Variants in CDH11 observed in about 807,000 individuals in gnomAD.
CDH11 encodes the protein cadherin-11.
CDH11 carries 11 observed loss-of-function variants against 67.8 expected under a neutral mutation model. That is an observed-to-expected ratio of 0.16 (90% CI 0.10 to 0.27). The LOEUF is 0.27. CDH11 is among the 10% of genes least tolerant of loss of function. The pLI is 1.00. For synonymous variants in CDH11, 419 were observed against 400.0 expected (o/e 1.05, Z -0.57); for missense variants, 847 against 1,031.2 (o/e 0.82, Z 2.45).
intron 1 of CDH11, among the ~76,000 whole-genome samples, chr16:65,062,519 G>A (rs933278968): frequency 1.3e-5 from 2 of 152,116 alleles, no homozygotes; most frequent in Admixed American, 6.5e-5. Context: ...GTTCCCTCTG[G>A]GGCCATTATA....
At chr16:64,966,661 G>T (rs1045410625) in intron 11 of CDH11, among the ~76,000 whole-genome samples, 8 of 151,214 alleles carry the variant, frequency 5.3e-5, no homozygotes, top group Non-Finnish European at 1.2e-4. Context: ...GGGGGAAAAA[G>T]ATATATAAGA....
intron 1 of CDH11, among the ~76,000 whole-genome samples, chr16:65,070,984 C>T (rs972757705): frequency 1.3e-5 from 2 of 152,080 alleles, no homozygotes; most frequent in African/African-American, 4.8e-5. Context: ...TGAGTCATGC[C>T]CAGCAATTCT....
At chr16:65,012,029 C>T (rs1427336015) in intron 2 of CDH11, among the ~76,000 whole-genome samples, 2 of 152,258 alleles carry the variant, frequency 1.3e-5, no homozygotes, top group East Asian at 3.9e-4. Context: ...GATACACAGG[C>T]ATCAATATAC....
At chr16:64,980,684 G>T (rs1218080414) in intron 8 of CDH11, among the ~76,000 whole-genome samples, 1 of 152,090 alleles carries the variant, frequency 6.6e-6, no homozygotes, top group Non-Finnish European at 1.5e-5. Context: ...TTTGAAGAGG[G>T]AGACAACAGG....
At chr16:65,092,471 T>A (rs141162229) in intron 1 of CDH11, among the ~76,000 whole-genome samples, 2 of 152,202 alleles carry the variant, frequency 1.3e-5, no homozygotes, top group African/African-American at 4.8e-5. Context: ...ACCTCTATTC[T>A]TGGCTGTTAG....
At chr16:65,090,420 AAAT>A (rs2074774383) in intron 1 of CDH11, among the ~76,000 whole-genome samples, 1 of 152,122 alleles carries the variant, frequency 6.6e-6, no homozygotes, top group Non-Finnish European at 1.5e-5. Context: ...AACAGCAAGA[AAAT>A]AACAAGTCTT....
At chr16:65,082,675 T>C (rs1246769665) in intron 1 of CDH11, among the ~76,000 whole-genome samples, 3 of 152,236 alleles carry the variant, frequency 2.0e-5, no homozygotes, top group East Asian at 3.8e-4. Flanking sequence ...ATTCAAGGTG[T>C]AATACCCAAT....
chr16:64,982,871 T>C (rs2072389581), intron 7 of CDH11: 3 of 152,502 alleles, frequency 2.0e-5, no homozygotes, highest in Non-Finnish European at 2.9e-5. Context: ...GGTAATTTGA[T>C]AGGTGAGGTT....
chr16:65,104,605 C>T (rs2075040096), intron 1 of CDH11, among the ~76,000 whole-genome samples: 1 of 152,096 alleles, frequency 6.6e-6, no homozygotes, highest in Non-Finnish European at 1.5e-5. Flanking sequence ...AGACAGGGGG[C>T]AGTGGAATCT....
At chr16:65,016,736 T>A (rs1378422540) in intron 2 of CDH11, among the ~76,000 whole-genome samples, 1 of 152,182 alleles carries the variant, frequency 6.6e-6, no homozygotes, top group Non-Finnish European at 1.5e-5. Context: ...GACAGTAAAG[T>A]GAAAGTAAGC....
rs148809366 is a variant in CDH11 at position 64,996,226 on chromosome 16, A to T, written c.523+2336T>A. On this transcript the variant is annotated intron_variant, in intron 4 of 12. Transcript: ENST00000268603. ...AATTCAAGGCTGGGCACGGTGGCTT[A>T]TGCCTGTAATCCTAGCACTTTGGGA... Among the ~76,000 whole-genome samples the T allele has an allele frequency of 9.4e-4, 143 of 152,330 alleles. 1 individual carries two copies. In the East Asian group the frequency reaches 0.027, roughly 29 times the overall value.
chr16:65,122,087 A>T, upstream of CDH11: 7 of 355,086 alleles, frequency 2.0e-5, no homozygotes, highest in East Asian at 9.8e-5. Context: ...CGCTAGTGGC[A>T]GGAATGAGAA....
At chr16:64,950,566 T>G (rs2071329397) in intron 12 of CDH11, among the ~76,000 whole-genome samples, 1 of 152,054 alleles carries the variant, frequency 6.6e-6, no homozygotes, top group Non-Finnish European at 1.5e-5. Context: ...CCTGCAATAT[T>G]CCATCAAATG....
In CDH11 at chr16:65,004,929, G is replaced by T. The variant is rs775413095; in HGVS notation, c.-60C>A. ...TGTCACCCCTTCCACCAACTGTACGGTGGTCTTGCTGAGGGTGGCCTCCCG... is the reference window on the plus strand; with the variant it reads ...TGTCACCCCTTCCACCAACTGTACGTTGGTCTTGCTGAGGGTGGCCTCCCG... On this transcript the variant is annotated 5_prime_UTR_variant, in exon 3 of 13. Coordinates refer to ENST00000268603, the MANE Select transcript of CDH11 (RefSeq NM_001797.4). The T allele has an allele frequency of 6.9e-7, 1 of 1,453,894 alleles. No homozygotes were observed. The highest frequency in any genetic ancestry group is 9.1e-7 in the Non-Finnish European group (1 of 1,098,244). The allele number at this position is 1,453,894 out of a possible 1,614,324, so 90.1% of individuals were successfully genotyped here.
At chr16:64,989,497 G>T (rs1300276443) in intron 6 of CDH11, among the ~76,000 whole-genome samples, 1 of 152,142 alleles carries the variant, frequency 6.6e-6, no homozygotes, top group East Asian at 1.9e-4. Flanking sequence ...GTGCATATCT[G>T]CAGGATAAAA....
chr16:64,971,811 C>A, intron 10 of CDH11, 115 bp from the exon 11 acceptor site: 2 of 1,416,758 alleles, frequency 1.4e-6, no homozygotes, highest in Admixed American at 1.8e-5. Context: ...AACTTCAGAA[C>A]AAAACTATGG....
intron 11 of CDH11, among the ~76,000 whole-genome samples, chr16:64,960,095 A>T (rs371547949): frequency 3.9e-4 from 60 of 152,320 alleles, no homozygotes; most frequent in African/African-American, 1.4e-3. Flanking sequence ...AAACTAATAC[A>T]TTAGAGGGTC....
At chr16:65,009,075 A>G (rs2073122990) in intron 2 of CDH11, among the ~76,000 whole-genome samples, 1 of 152,094 alleles carries the variant, frequency 6.6e-6, no homozygotes, top group South Asian at 2.1e-4. Context: ...CTGGGATTGA[A>G]CTCTGAATGT....
At chr16:65,054,067 A>T in intron 1 of CDH11, 139 bp from the exon 2 acceptor site, 1 of 353,444 alleles carries the variant, frequency 2.8e-6, no homozygotes, top group South Asian at 2.2e-5. Context: ...GAGAGAAACA[A>T]ATTACTAAAA....
Sources: allele counts gnomAD v4.1 joint callset (sites outside exome capture counted in the v4.1 genomes callset), GRCh38; gene constraint gnomAD v4.1.1; transcripts MANE v1.5; gene names NCBI Gene and HGNC (gene_info 2026-07-23, HGNC 2026-07-21).